Variants in POLR3GL observed in about 807,000 individuals in gnomAD.
POLR3GL encodes DNA-directed RNA polymerase III subunit RPC7-like.
In POLR3GL, 26 loss-of-function variants were observed where a neutral mutation model predicts 32.4. The ratio of observed to expected loss-of-function variants is 0.80; its 90% CI spans 0.59 to 1.11. The LOEUF (loss-of-function observed/expected upper bound fraction) is 1.11. POLR3GL is among the 50% of genes most tolerant of loss of function. The pLI, the probability that POLR3GL is intolerant of heterozygous loss-of-function variation, is 0.00. For missense variants in POLR3GL, 229 were observed against 280.1 expected (o/e 0.82, Z 1.30); for synonymous variants, 95 against 98.7 (o/e 0.96, Z 0.22).
chr1:145,967,537 T>G (rs1413527988), intron 1 of POLR3GL, among the ~76,000 whole-genome samples: 1 of 152,148 alleles, frequency 6.6e-6, no homozygotes, highest in African/African-American at 2.4e-5. Context: ...ATTGAGATGA[T>G]TTTTTAAAAT....
intron 6 of POLR3GL, 29 bp from the exon 7 acceptor site, chr1:145,977,954 G>T: frequency 1.9e-6 from 3 of 1,613,908 alleles, no homozygotes; most frequent in Non-Finnish European, 2.5e-6. Context: ...CTGAACCTGA[G>T]TTTCTATTCC....
chr1:145,976,507 G>A (rs1346281120), intron 3 of POLR3GL, among the ~76,000 whole-genome samples: 1 of 151,882 alleles, frequency 6.6e-6, no homozygotes, highest in Admixed American at 6.6e-5. Flanking sequence ...AACTTGGGAG[G>A]CGGAGGTTGC....
At position 145,977,475 on chromosome 1, in the gene POLR3GL, A is replaced by G. The variant is rs782331624; in HGVS notation, c.326-8A>G. On this transcript the variant is annotated splice_region_variant and splice_polypyrimidine_tract_variant and intron_variant, in intron 4 of 7. Coordinates refer to ENST00000369314, the MANE Select transcript of POLR3GL (RefSeq NM_032305.3). ...TCCTATTGACATTTACGTTCCCACTATTCCCAGATTGGCGGCGTCTACCCC... is the reference window on the plus strand; with the variant it reads ...TCCTATTGACATTTACGTTCCCACTGTTCCCAGATTGGCGGCGTCTACCCC... 3.1e-6 allele frequency: 5 copies of G among 1,613,624 alleles called. No individual in the cohort carries two copies. The highest frequency in any genetic ancestry group is 4.2e-6 in the Non-Finnish European group (5 of 1,179,720).
Position 145,977,767 on chromosome 1 carries a change from C to T in POLR3GL, c.383-11C>T, listed in dbSNP as rs782165497. ...GCTCTCTGAAGGTTTACCTTTTGAT[C>T]CCTCCACCAGGGATTACAATTCTGC... On this transcript the variant is annotated splice_polypyrimidine_tract_variant and intron_variant, in intron 5 of 7. Transcript: ENST00000369314. The T allele has an allele frequency of 5.6e-6, 9 of 1,613,220 alleles. No individual in the cohort carries two copies. Among genetic ancestry groups the T allele is most frequent in the Non-Finnish European group, 7.6e-6 (9 of 1,179,360 alleles).
At position 145,978,791 on chromosome 1, in the gene POLR3GL, A is replaced by G; in HGVS notation, c.*344A>G. 4.4e-6 allele frequency: 1 copy of G among 226,924 alleles called. No homozygotes were observed. The highest frequency in any genetic ancestry group is 8.6e-6 in the Non-Finnish European group (1 of 115,932). 14.1% of individuals were successfully genotyped at this position (226,924 alleles called of 1,614,324 possible). A position where few individuals can be genotyped will look rare whatever the true frequency, so the allele number is the denominator to read the frequency against. On this transcript the variant is annotated 3_prime_UTR_variant, in exon 8 of 8. Coordinates refer to ENST00000369314, the MANE Select transcript of POLR3GL (RefSeq NM_032305.3). ...CTTTGTGGAGATAATTAGGGGTGGGAGCAGTTTGAAGGAGTAAGCCTGGTT... is the reference window on the plus strand; with the variant it reads ...CTTTGTGGAGATAATTAGGGGTGGGGGCAGTTTGAAGGAGTAAGCCTGGTT...
chr1:145,971,618 AAGT>A (rs1338035256), intron 1 of POLR3GL, among the ~76,000 whole-genome samples: 7 of 152,116 alleles, frequency 4.6e-5, no homozygotes, highest in Non-Finnish European at 7.3e-5. Flanking sequence ...CATCTGGTTG[AAGT>A]AGTGTTTTTC....
chr1:145,973,312 G>A (rs1234316953), intron 1 of POLR3GL, among the ~76,000 whole-genome samples: 1 of 152,072 alleles, frequency 6.6e-6, no homozygotes, highest in Non-Finnish European at 1.5e-5. Context: ...TTCGGTAGAA[G>A]GAGAAACTTT....
intron 1 of POLR3GL, among the ~76,000 whole-genome samples, chr1:145,969,888 C>T (rs1256920435): frequency 3.4e-5 from 5 of 148,702 alleles, no homozygotes; most frequent in Non-Finnish European, 7.4e-5. Context: ...CACTGCACCA[C>T]TCCAGCCTGG....
intron 1 of POLR3GL, among the ~76,000 whole-genome samples, chr1:145,967,952 T>C (rs180687260): frequency 1.3e-5 from 2 of 152,346 alleles, no homozygotes; most frequent in East Asian, 3.9e-4. Context: ...CAGAGTTTTG[T>C]AGCTAGGAAA....
At chr1:145,972,514 T>G (rs1650368218) in intron 1 of POLR3GL, among the ~76,000 whole-genome samples, 1 of 152,158 alleles carries the variant, frequency 6.6e-6, no homozygotes, top group South Asian at 2.1e-4. Context: ...AGTCATTTAT[T>G]TATATCACTA....
chr1:145,966,687 G>A (rs1650052395), intron 1 of POLR3GL, among the ~76,000 whole-genome samples: 1 of 151,956 alleles, frequency 6.6e-6, no homozygotes, highest in Non-Finnish European at 1.5e-5. Flanking sequence ...TACTCGGGGG[G>A]CTGAGGCAGG....
intron 1 of POLR3GL, among the ~76,000 whole-genome samples, chr1:145,971,185 C>CAAAAA (rs36126138): frequency 9.9e-5 from 9 of 90,640 alleles, no homozygotes; most frequent in African/African-American, 3.3e-4. Context: ...AACTCCATCT[C>CAAAAA]AAAAAAAAAA....
rs1250843479 is a variant in POLR3GL at position 145,975,047 on chromosome 1, G to T, written c.126+56G>T. ...CATGTGCCCCTGGCTGACTGTACAT[G>T]ATTCTGAATTCCTCCTGGACCATCA... On this transcript the variant is annotated intron_variant, in intron 2 of 7. Coordinates refer to ENST00000369314, the MANE Select transcript of POLR3GL (RefSeq NM_032305.3). 3.3e-5 allele frequency: 49 copies of T among 1,496,376 alleles called. No individual in the cohort carries two copies. In the East Asian group the frequency reaches 1.1e-3, roughly 33 times the overall value. 92.7% of individuals were successfully genotyped at this position (1,496,376 alleles called of 1,614,324 possible).
chr1:145,968,696 T>C (rs898188598), intron 1 of POLR3GL, among the ~76,000 whole-genome samples: 2 of 151,772 alleles, frequency 1.3e-5, no homozygotes, highest in Admixed American at 6.6e-5. Context: ...CTCGGCCTCC[T>C]GAGTAGCTGG....
chr1:145,977,597 C>A (rs762118642), intron 5 of POLR3GL, 58 bp downstream of exon 5: 234 of 1,509,998 alleles, frequency 1.5e-4, no homozygotes, highest in Non-Finnish European at 2.1e-4. Flanking sequence ...AGCCTGAGGG[C>A]CGAGGCTGCT....
chr1:145,978,137 C>T (rs782189227), intron 7 of POLR3GL, 41 bp downstream of exon 7: 2 of 1,567,566 alleles, frequency 1.3e-6, no homozygotes, highest in African/African-American at 1.4e-5. Flanking sequence ...CTCCCTTTAC[C>T]CTCTTTATAC....
At chr1:145,969,413 C>T (rs1333266654) in intron 1 of POLR3GL, among the ~76,000 whole-genome samples, 2 of 151,744 alleles carry the variant, frequency 1.3e-5, no homozygotes, top group Non-Finnish European at 2.9e-5. Context: ...TACAGGCGCA[C>T]ACCACCATGC....
At chr1:145,964,883 A>ACCGTTTCTCCCCTGGGCTT (rs2101924156) in intron 1 of POLR3GL, 115 bp downstream of exon 1, 1 of 152,300 alleles carries the variant, frequency 6.6e-6, no homozygotes, top group Admixed American at 6.5e-5. Context: ...CTGGCTCCCT[A>ACCGTTTCTCCCCTGGGCTT]CCGTTTCTCC....
intron 3 of POLR3GL, 105 bp downstream of exon 3, chr1:145,975,541 T>A: frequency 7.6e-7 from 1 of 1,309,968 alleles, no homozygotes; most frequent in East Asian, 2.4e-5. Context: ...ACTATCTAAC[T>A]GGGGAGATCA....
Sources: gnomAD v4.1 joint callset for allele counts (sites outside exome capture counted in the v4.1 genomes callset) on GRCh38, gnomAD v4.1.1 for gene constraint, MANE v1.5 for transcripts, NCBI Gene and HGNC (gene_info 2026-07-23, HGNC 2026-07-21) for gene names.